The following AGBL4 variants were observed in gnomAD, a reference collection of about 807,000 sequenced individuals.
AGBL4 encodes the protein AGBL carboxypeptidase 4.
AGBL4 carries 58 observed loss-of-function variants against 66.4 expected under a neutral mutation model. That is an observed-to-expected ratio of 0.87 (90% confidence interval 0.71 to 1.09). AGBL4 has a LOEUF of 1.09. Ranked by LOEUF, AGBL4 falls within the 50% of genes least tolerant of loss-of-function variation. The pLI, the probability that AGBL4 is intolerant of heterozygous loss-of-function variation, is 0.00. For missense variants in AGBL4, 579 were observed against 631.0 expected (o/e 0.92, Z 0.88); for synonymous variants, 234 against 222.9 (o/e 1.05, Z -0.44).
chr1:49,754,700 C>T (rs1388016142), intron 2 of AGBL4, among the ~76,000 whole-genome samples: 3 of 152,216 alleles, frequency 2.0e-5, no homozygotes, highest in Admixed American at 1.3e-4. Flanking sequence ...CAGCCTGTCC[C>T]TTAGCAGAGC....
intron 3 of AGBL4, among the ~76,000 whole-genome samples, chr1:49,403,033 T>C (rs1026274182): frequency 6.6e-6 from 1 of 152,230 alleles, no homozygotes; most frequent in Non-Finnish European, 1.5e-5. Context: ...TTAAGTATGC[T>C]TTTGTTGATT....
At chr1:49,621,381 TAAAAGAGGC>T (rs1645358041) in intron 3 of AGBL4, among the ~76,000 whole-genome samples, 1 of 152,148 alleles carries the variant, frequency 6.6e-6, no homozygotes, top group Non-Finnish European at 1.5e-5. Context: ...TAGAACTTTT[TAAAAGAGGC>T]AAAGGCAGAG....
chr1:48,739,206 G>T (rs1018602573), intron 6 of AGBL4, among the ~76,000 whole-genome samples: 1 of 152,190 alleles, frequency 6.6e-6, no homozygotes, highest in Admixed American at 6.5e-5. Flanking sequence ...GCCACCGACT[G>T]GCCTTTGCCT....
At chr1:48,870,488 C>T (rs1648545468) in intron 5 of AGBL4, among the ~76,000 whole-genome samples, 1 of 152,148 alleles carries the variant, frequency 6.6e-6, no homozygotes, top group Non-Finnish European at 1.5e-5. Flanking sequence ...TATGCCTCTG[C>T]AATGACCCTG....
chr1:48,923,503 C>G (rs1189547418), intron 5 of AGBL4, among the ~76,000 whole-genome samples: 1 of 152,194 alleles, frequency 6.6e-6, no homozygotes, highest in Non-Finnish European at 1.5e-5. Flanking sequence ...AGGAAGTGCA[C>G]AGCACTGTAA....
intron 1 of AGBL4, among the ~76,000 whole-genome samples, chr1:49,852,392 A>G (rs1472590990): frequency 6.6e-6 from 1 of 152,182 alleles, no homozygotes; most frequent in Non-Finnish European, 1.5e-5. Flanking sequence ...AGAGTGTGGA[A>G]CTACTGAGTC....
chr1:48,792,938 T>C (rs1472881233), intron 6 of AGBL4, among the ~76,000 whole-genome samples: 1 of 152,186 alleles, frequency 6.6e-6, no homozygotes, highest in Non-Finnish European at 1.5e-5. Context: ...TCACACTCCA[T>C]ATATGTTCTC....
chr1:48,992,314 G>A (rs147988919), intron 5 of AGBL4, among the ~76,000 whole-genome samples: 3 of 151,814 alleles, frequency 2.0e-5, no homozygotes, highest in South Asian at 2.1e-4. Context: ...ATTACCAGAC[G>A]GAGACTCTTG....
intron 5 of AGBL4, among the ~76,000 whole-genome samples, chr1:48,949,621 A>C (rs760886299): frequency 3.0e-4 from 46 of 152,310 alleles, no homozygotes; most frequent in Non-Finnish European, 5.6e-4. Flanking sequence ...AAGCCAGCTT[A>C]GGGGAGTGCC....
intron 1 of AGBL4, among the ~76,000 whole-genome samples, chr1:49,914,509 T>C (rs1470090260): frequency 2.0e-5 from 3 of 152,216 alleles, no homozygotes; most frequent in African/African-American, 7.2e-5. Context: ...AGTAATCTCT[T>C]GGAAAATTCA....
intron 4 of AGBL4, among the ~76,000 whole-genome samples, chr1:49,217,020 G>C (rs957039091): frequency 6.6e-6 from 1 of 152,192 alleles, no homozygotes. Flanking sequence ...GACAACTAGA[G>C]AGCCAGGATG....
intron 4 of AGBL4, among the ~76,000 whole-genome samples, chr1:49,087,495 C>G (rs1644929360): frequency 6.6e-6 from 1 of 152,078 alleles, no homozygotes; most frequent in Non-Finnish European, 1.5e-5. Flanking sequence ...TCTTAGAGCT[C>G]AAAGACTGGC....
chr1:48,944,369 T>A (rs1656277458), intron 5 of AGBL4, among the ~76,000 whole-genome samples: 1 of 152,174 alleles, frequency 6.6e-6, no homozygotes, highest in African/African-American at 2.4e-5. Context: ...GCTCATACAC[T>A]ACTTGAAGAA....
intron 6 of AGBL4, among the ~76,000 whole-genome samples, chr1:48,751,734 A>C (rs1302177327): frequency 6.6e-6 from 1 of 152,226 alleles, no homozygotes; most frequent in African/African-American, 2.4e-5. Context: ...ACAATGGGGA[A>C]AAGCCTAACA....
chr1:49,746,771 A>T (rs1017744358), intron 2 of AGBL4, among the ~76,000 whole-genome samples: 2 of 152,210 alleles, frequency 1.3e-5, no homozygotes, highest in East Asian at 3.9e-4. Flanking sequence ...AACATACTTG[A>T]TTCTAAACCA....
At chr1:48,799,301 T>C (rs1019660851) in intron 6 of AGBL4, among the ~76,000 whole-genome samples, 20 of 152,204 alleles carry the variant, frequency 1.3e-4, no homozygotes, top group African/African-American at 4.8e-4. Context: ...AGATTCGTTG[T>C]TGTTGGTGTA....
At chr1:49,058,075 T>C (rs1335090716) in intron 4 of AGBL4, among the ~76,000 whole-genome samples, 1 of 152,198 alleles carries the variant, frequency 6.6e-6, no homozygotes, top group Non-Finnish European at 1.5e-5. Context: ...AATTTTCACA[T>C]AGTGCCTCTC....
intron 11 of AGBL4, among the ~76,000 whole-genome samples, chr1:48,564,344 G>A (rs2148303240): frequency 6.6e-6 from 1 of 151,888 alleles, no homozygotes; most frequent in African/African-American, 2.4e-5. Flanking sequence ...AATCATGGTA[G>A]TCAGGGCCTC....
chr1:49,283,203 G>T (rs1036211525), intron 3 of AGBL4, among the ~76,000 whole-genome samples: 2 of 152,168 alleles, frequency 1.3e-5, no homozygotes, highest in Non-Finnish European at 1.5e-5. Flanking sequence ...CCTCAAGTGG[G>T]TCCCTGACCC....
Sources: allele counts gnomAD v4.1 joint callset (sites outside exome capture counted in the v4.1 genomes callset), GRCh38; gene constraint gnomAD v4.1.1; transcripts MANE v1.5; gene names NCBI Gene and HGNC (gene_info 2026-07-23, HGNC 2026-07-21).